Variants in RELA observed in about 807,000 individuals in gnomAD.
RELA encodes RELA proto-oncogene, NF-kB subunit.
RELA carries 14 observed loss-of-function variants against 56.7 expected under a neutral mutation model. That is an observed-to-expected ratio of 0.25 (90% CI 0.16 to 0.39). The LOEUF (loss-of-function observed/expected upper bound fraction) is 0.39. Among genes scored for constraint, RELA ranks in the 10% least tolerant of loss-of-function variants. The pLI is 1.00. For synonymous variants in RELA, 315 were observed against 289.7 expected, an observed-to-expected ratio of 1.09 and a Z score of -0.89; for missense variants, 559 against 736.4, an observed-to-expected ratio of 0.76 and a Z score of 2.79.
rs557732425 is a variant in RELA, at chr11:65,654,045, G to A, written c.*333C>T. ...AAGGCCTTACCTCCAGCCTGCTTCTGTCTCTAGGAGAGTACCAGAAGCTGG... is the reference window on the plus strand; with the variant it reads ...AAGGCCTTACCTCCAGCCTGCTTCTATCTCTAGGAGAGTACCAGAAGCTGG... On this transcript the variant is annotated 3_prime_UTR_variant, in exon 11 of 11. Coordinates refer to ENST00000406246, the MANE Select transcript of RELA (RefSeq NM_021975.4). 30 of 388,916 alleles carry A rather than the reference G, an allele frequency of 7.7e-5. No individual in the cohort carries two copies. The highest frequency in any genetic ancestry group is 6.4e-4 in the South Asian group (29 of 45,066). The allele number at this position is 388,916 out of a possible 1,614,324, so 24.1% of individuals were successfully genotyped here.
chr11:65,658,595 C>G lies in RELA; in HGVS notation c.665-96G>C, dbSNP rs929875061. The G allele has an allele frequency of 1.4e-6, 2 of 1,388,260 alleles. No homozygotes were observed. The allele number at this position is 1,388,260 out of a possible 1,614,324, so 86.0% of individuals were successfully genotyped here. A position where few individuals can be genotyped will look rare whatever the true frequency, so the allele number is the denominator to read the frequency against. ...GCTTGTCTTCTGATACATCACCCTT[C>G]GGCCCACCTGAGGCCCCCGAGGCAC... On this transcript the variant is annotated intron_variant, in intron 7 of 10. Coordinates refer to ENST00000406246, the MANE Select transcript of RELA (RefSeq NM_021975.4). The surrounding 1 kb of genome is among the most constrained non-coding windows in gnomAD (Gnocchi z 4.5).
rs1306060434 is a variant in RELA, at chr11:65,658,703, C to T, written c.664+15G>A. The stretch of plus-strand genomic sequence containing the variant: ...CCTTGCTCCCAAGAGCCCACCCCTG[C>T]CTCCTGATGTATACCTTTCTGCACC... On this transcript the variant is annotated intron_variant, in intron 7 of 10. Transcript: ENST00000406246. This position sits in a 1 kb window ranked among gnomAD's most constrained non-coding sequence, Gnocchi z 4.5. 6.2e-7 allele frequency: 1 copy of T among 1,607,966 alleles called. No homozygotes were observed. The highest frequency in any genetic ancestry group is 8.5e-7 in the Non-Finnish European group (1 of 1,174,480).
At position 65,658,276 on chromosome 11, in the gene RELA, C is replaced by CA; in HGVS notation, c.877+10dup. ...CCCAGCTGCCCTGATGCTGCCACCCCAGCTGTGTACCTGTATCTGGCAGGT... is the reference window on the plus strand; with the variant it reads ...CCCAGCTGCCCTGATGCTGCCACCCCAAGCTGTGTACCTGTATCTGGCAGGT... On this transcript the variant is annotated intron_variant, in intron 8 of 10. Transcript: ENST00000406246. This position sits in a 1 kb window ranked among gnomAD's most constrained non-coding sequence, Gnocchi z 4.5. 6.4e-7 allele frequency: 1 copy of CA among 1,572,754 alleles called. No homozygotes were observed. The highest frequency in any genetic ancestry group is 8.6e-7 in the Non-Finnish European group (1 of 1,158,138).
In RELA at chr11:65,658,143, G is replaced by A. The variant is rs964290325; in HGVS notation, c.877+144C>T. 4 of 610,740 alleles carry A rather than the reference G, an allele frequency of 6.5e-6. No homozygotes were observed. Among genetic ancestry groups the A allele is most frequent in the East Asian group, 5.6e-5 (2 of 35,768 alleles). The allele number at this position is 610,740 out of a possible 1,614,324, so 37.8% of individuals were successfully genotyped here. On this transcript the variant is annotated intron_variant, in intron 8 of 10. Coordinates refer to ENST00000406246, the MANE Select transcript of RELA (RefSeq NM_021975.4). This position sits in a 1 kb window ranked among gnomAD's most constrained non-coding sequence, Gnocchi z 4.5. ...CTGAGGTATCATTATTATTAAATGA[G>A]GCAAGAAATGGATTCCAGTTTCTTG...
intron 8 of RELA, 112 bp from the exon 9 acceptor site, chr11:65,656,047 T>C: frequency 1.2e-6 from 1 of 851,292 alleles, no homozygotes; most frequent in Non-Finnish European, 2.0e-6. Context: ...AGACCCATTC[T>C]CCCAACCTTC....
At chr11:65,657,526 T>C (rs1280417846) in intron 8 of RELA, among the ~76,000 whole-genome samples, 2 of 152,222 alleles carry the variant, frequency 1.3e-5, no homozygotes, top group African/African-American at 4.8e-5. Flanking sequence ...GCCTGCTCAC[T>C]GCCCAACATC....
At chr11:65,663,725 C>A (rs1038106701), upstream of RELA, among the ~76,000 whole-genome samples, 2 of 151,734 alleles carry the variant, frequency 1.3e-5, no homozygotes, top group African/African-American at 4.8e-5. Context: ...AGGCTCACGA[C>A]CCCCCACCCC....
Position 65,658,570 on chromosome 11 carries a change from G to T in RELA, c.665-71C>A. 7.0e-7 allele frequency: 1 copy of T among 1,436,922 alleles called. No homozygotes were observed. Among genetic ancestry groups the T allele is most frequent in the Non-Finnish European group, 9.7e-7 (1 of 1,036,148 alleles). The allele number at this position is 1,436,922 out of a possible 1,614,324, so 89.0% of individuals were successfully genotyped here. A position where few individuals can be genotyped will look rare whatever the true frequency, so the allele number is the denominator to read the frequency against. On this transcript the variant is annotated intron_variant, in intron 7 of 10. Coordinates refer to ENST00000406246, the MANE Select transcript of RELA (RefSeq NM_021975.4). This position sits in a 1 kb window ranked among gnomAD's most constrained non-coding sequence, Gnocchi z 4.5. ...CATGGTCTCCCCCTCAACTTCTGAT[G>T]CTTGTCTTCTGATACATCACCCTTC...
intron 6 of RELA, among the ~76,000 whole-genome samples, chr11:65,659,377 T>C (rs1856506656): frequency 1.3e-5 from 2 of 152,316 alleles, no homozygotes; most frequent in East Asian, 1.9e-4. Context: ...AGAGTCATTA[T>C]CGCAGTTGTG....
chr11:65,655,017 G>A lies in RELA; in HGVS notation c.1034-17C>T. The A allele has an allele frequency of 1.9e-6, 3 of 1,577,442 alleles. No individual in the cohort carries two copies. The highest frequency in any genetic ancestry group is 2.6e-6 in the Non-Finnish European group (3 of 1,159,622). ...GCTGGGGTGCTGGAGGAGAGAGACA[G>A]AGAGGCAGGGGTCAGAGAAAGCCCT... On this transcript the variant is annotated splice_polypyrimidine_tract_variant and intron_variant, in intron 10 of 10. Coordinates refer to ENST00000406246, the MANE Select transcript of RELA (RefSeq NM_021975.4).
At chr11:65,662,927 G>GCCCGC (rs1227686484), upstream of RELA, 2 of 1,035,736 alleles carry the variant, frequency 1.9e-6, no homozygotes, top group East Asian at 8.1e-5. Flanking sequence ...GCGCCGCGCG[G>GCCCGC]CCCGCCGTCG....
intron 4 of RELA, among the ~76,000 whole-genome samples, chr11:65,661,034 T>C (rs551340872): frequency 8.4e-6 from 1 of 119,278 alleles, no homozygotes; most frequent in African/African-American, 3.5e-5. Context: ...CAAGACTCTT[T>C]CTTAAAAAAA....
chr11:65,663,724 ACC>A (rs1272162320), upstream of RELA, among the ~76,000 whole-genome samples: 1 of 149,196 alleles, frequency 6.7e-6, no homozygotes, highest in Non-Finnish European at 1.5e-5. Context: ...CAGGCTCACG[ACC>A]CCCCACCCCC....
At position 65,653,815 on chromosome 11, in the gene RELA, G is replaced by C. The variant is rs981988139; in HGVS notation, c.*563C>G. 1 of 173,472 alleles carries C rather than the reference G, an allele frequency of 5.8e-6. No individual in the cohort carries two copies. The highest frequency in any genetic ancestry group is 1.2e-5 in the Non-Finnish European group (1 of 80,606). 10.7% of individuals were successfully genotyped at this position (173,472 alleles called of 1,614,324 possible). A position where few individuals can be genotyped will look rare whatever the true frequency, so the allele number is the denominator to read the frequency against. ...CTGGATCCTGGAGAGAGCCAGTGCT[G>C]TTGCACTGGTTTCCTTCAGCCATGG... On this transcript the variant is annotated 3_prime_UTR_variant, in exon 11 of 11. Transcript: ENST00000406246.
chr11:65,658,997 A>C lies in RELA; in HGVS notation c.560-175T>G, dbSNP rs1312625840. On this transcript the variant is annotated intron_variant, in intron 6 of 10. Coordinates refer to ENST00000406246, the MANE Select transcript of RELA (RefSeq NM_021975.4). This position sits in a 1 kb window ranked among gnomAD's most constrained non-coding sequence, Gnocchi z 4.5. ...TTAGCTCCTCACCCCAACCGATTCA[A>C]CAAGTATTTGCCTACTGTGCACTCA... Among the ~76,000 whole-genome samples, 1 of 152,118 alleles carries C rather than the reference A, an allele frequency of 6.6e-6. No homozygotes were observed. Among genetic ancestry groups the C allele is most frequent in the Non-Finnish European group, 1.5e-5 (1 of 68,000 alleles).
Position 65,658,552 on chromosome 11 carries a change from T to TC in RELA, c.665-54dup, listed in dbSNP as rs973352800. ...TCAGTGTGTCTAACCCTCCATGGTC[T>TC]CCCCCTCAACTTCTGATGCTTGTCT... On this transcript the variant is annotated intron_variant, in intron 7 of 10. Coordinates refer to ENST00000406246, the MANE Select transcript of RELA (RefSeq NM_021975.4). The surrounding 1 kb of genome is among the most constrained non-coding windows in gnomAD (Gnocchi z 4.5). 8 of 1,484,346 alleles carry TC rather than the reference T, an allele frequency of 5.4e-6. No individual in the cohort carries two copies. The African/African-American group carries it at 8.3e-5, about 15-fold the overall frequency. The allele number at this position is 1,484,346 out of a possible 1,614,324, so 91.9% of individuals were successfully genotyped here.
Position 65,655,681 on chromosome 11 carries a change from T to G in RELA, c.1033+7A>C. ...GTCGTTCCAGTGGGACAAAAGGAAATCCTTACCTGGCTTGGGGACAGAAGC... is the reference window on the plus strand; with the variant it reads ...GTCGTTCCAGTGGGACAAAAGGAAAGCCTTACCTGGCTTGGGGACAGAAGC... On this transcript the variant is annotated splice_region_variant and intron_variant, in intron 10 of 10. Transcript: ENST00000406246. The G allele has an allele frequency of 6.2e-7, 1 of 1,613,720 alleles. No homozygotes were observed. The highest frequency in any genetic ancestry group is 8.5e-7 in the Non-Finnish European group (1 of 1,179,854).
At chr11:65,662,703 G>A (rs1290469237) in intron 1 of RELA, 123 bp downstream of exon 1, 4 of 777,180 alleles carry the variant, frequency 5.1e-6, no homozygotes, top group Non-Finnish European at 6.9e-6. Flanking sequence ...CCATCCGGCA[G>A]GCCGACCGCT....
chr11:65,662,390 G>A (rs1315877892), intron 1 of RELA, 185 bp from the exon 2 acceptor site: 6 of 621,134 alleles, frequency 9.7e-6, no homozygotes, highest in Non-Finnish European at 1.3e-5. Flanking sequence ...TGCTTCTTGA[G>A]GGAAAACGGG....
Sources: allele counts gnomAD v4.1 joint callset (sites outside exome capture counted in the v4.1 genomes callset), GRCh38; gene constraint gnomAD v4.1.1; non-coding constraint Gnocchi (gnomAD v3.1); transcripts MANE v1.5; gene names NCBI Gene and HGNC (gene_info 2026-07-23, HGNC 2026-07-21).